DCPH1: variants seen among roughly 807,000 people sequenced by gnomAD.
DCPH1 encodes the protein damage-control phosphatase 1.
chr6:151,467,499 A>G, the DCPH1 span, among the ~76,000 whole-genome samples: 1 of 152,124 alleles, frequency 6.6e-6, no homozygotes, highest in Admixed American at 6.5e-5. Context: ...GTACTTCTAT[A>G]TGCCAGGTAT....
the DCPH1 span, chr6:151,452,519 G>A: frequency 2.5e-6 from 4 of 1,611,226 alleles, no homozygotes; most frequent in African/African-American, 2.7e-5. Context: ...GAACAGCCGA[G>A]CTTTGCGGCC....
At chr6:151,468,781 C>T in the DCPH1 span, 1 of 1,614,060 alleles carries the variant, frequency 6.2e-7, no homozygotes, top group Admixed American at 1.7e-5. Context: ...TTACCACAAT[C>T]ATATATTTTG....
At chr6:151,468,286 G>A in the DCPH1 span, 38 of 1,201,512 alleles carry the variant, frequency 3.2e-5, no homozygotes, top group Non-Finnish European at 4.4e-5. Flanking sequence ...GCTACATAAT[G>A]GAGTTTTGTT....
chr6:151,460,928 G>A, the DCPH1 span, among the ~76,000 whole-genome samples: 2 of 152,190 alleles, frequency 1.3e-5, no homozygotes, highest in Non-Finnish European at 2.9e-5. Flanking sequence ...AAATGTAGGC[G>A]TTGTTATGGT....
chr6:151,455,799 C>T, the DCPH1 span, among the ~76,000 whole-genome samples: 2 of 152,192 alleles, frequency 1.3e-5, no homozygotes, highest in Non-Finnish European at 1.5e-5. Context: ...TTTCCCTTCC[C>T]ACGAGGCCAT....
At chr6:151,466,964 T>C in the DCPH1 span, among the ~76,000 whole-genome samples, 1 of 152,156 alleles carries the variant, frequency 6.6e-6, no homozygotes, top group Non-Finnish European at 1.5e-5. Flanking sequence ...AAAATAATAC[T>C]GTTCGGCCGG....
chr6:151,464,010 CTG>C, the DCPH1 span, among the ~76,000 whole-genome samples: 130 of 152,278 alleles, frequency 8.5e-4, no homozygotes, highest in Middle Eastern at 3.4e-3. Context: ...CCATCATACT[CTG>C]TGTTTCATTC....
chr6:151,466,070 C>T, the DCPH1 span, among the ~76,000 whole-genome samples: 1 of 152,142 alleles, frequency 6.6e-6, no homozygotes, highest in African/African-American at 2.4e-5. Context: ...AGGCGTATGC[C>T]ACCACACCTG....
the DCPH1 span, chr6:151,454,482 TAA>T: frequency 1.3e-6 from 1 of 788,602 alleles, no homozygotes; most frequent in Non-Finnish European, 2.2e-6. Flanking sequence ...TTCCAGAAAC[TAA>T]AAGATAGCCA....
the DCPH1 span, chr6:151,469,590 G>A: frequency 6.5e-6 from 1 of 152,832 alleles, no homozygotes; most frequent in South Asian, 2.1e-4. Flanking sequence ...TCTTTGTAAA[G>A]AGAGGCATTT....
At chr6:151,454,252 AGC>A in the DCPH1 span, among the ~76,000 whole-genome samples, 26 of 152,332 alleles carry the variant, frequency 1.7e-4, no homozygotes, top group African/African-American at 5.8e-4. Context: ...CACTTTGCTA[AGC>A]GAGTTTCTGA....
the DCPH1 span, among the ~76,000 whole-genome samples, chr6:151,453,831 T>C: frequency 2.6e-5 from 4 of 152,218 alleles, no homozygotes; most frequent in Non-Finnish European, 5.9e-5. Context: ...ATGAATAAAA[T>C]CAAGAATATC....
At chr6:151,456,839 T>TC in the DCPH1 span, among the ~76,000 whole-genome samples, 1 of 152,110 alleles carries the variant, frequency 6.6e-6, no homozygotes, top group African/African-American at 2.4e-5. Flanking sequence ...GTAATTTCAG[T>TC]TTTTTCGGCC....
At chr6:151,469,782 G>T in the DCPH1 span, 1 of 152,548 alleles carries the variant, frequency 6.6e-6, no homozygotes, top group African/African-American at 2.4e-5. Flanking sequence ...GGTATTTGAA[G>T]AAATGTAATA....
chr6:151,455,802 G>A, the DCPH1 span, among the ~76,000 whole-genome samples: 22 of 152,308 alleles, frequency 1.4e-4, no homozygotes, highest in East Asian at 3.3e-3. Flanking sequence ...CCCTTCCCAC[G>A]AGGCCATATT....
chr6:151,458,499 A>G, the DCPH1 span: 4 of 1,613,062 alleles, frequency 2.5e-6, no homozygotes, highest in Non-Finnish European at 3.4e-6. Flanking sequence ...TGGAAAATCA[A>G]GATGGTTCTA....
the DCPH1 span, among the ~76,000 whole-genome samples, chr6:151,465,275 C>T: frequency 2.6e-5 from 4 of 152,228 alleles, no homozygotes; most frequent in South Asian, 2.1e-4. Flanking sequence ...TATTAGGAGA[C>T]GTGGTACACA....
the DCPH1 span, among the ~76,000 whole-genome samples, chr6:151,461,678 A>C: frequency 1.3e-5 from 2 of 152,192 alleles, no homozygotes; most frequent in Admixed American, 1.3e-4. Context: ...TCTCAAAAAA[A>C]ACACCACATA....
At chr6:151,461,913 T>C in the DCPH1 span, among the ~76,000 whole-genome samples, 1 of 152,184 alleles carries the variant, frequency 6.6e-6, no homozygotes, top group Non-Finnish European at 1.5e-5. Context: ...CTGTGGCAGA[T>C]AAAGAGCCAT....
Sources: gnomAD v4.1 joint callset for allele counts (sites outside exome capture counted in the v4.1 genomes callset) on GRCh38, gnomAD v4.1.1 for gene constraint, MANE v1.5 for transcripts, NCBI Gene and HGNC (gene_info 2026-07-23, HGNC 2026-07-21) for gene names.